Variants in GOT2 observed in about 807,000 individuals in gnomAD.
GOT2 encodes aspartate aminotransferase, mitochondrial.
A neutral mutation model predicts 50.0 loss-of-function variants in GOT2; 17 were observed. The observed-to-expected ratio is 0.34, with a 90% CI of 0.23 to 0.51. The LOEUF (loss-of-function observed/expected upper bound fraction) is 0.51, where lower values mean the gene tolerates loss of function less well. GOT2 is among the 20% of genes least tolerant of loss of function. GOT2 has a pLI of 0.97. For synonymous variants in GOT2, 172 were observed against 204.9 expected (o/e 0.84, Z 1.37); for missense variants, 430 against 559.6 (o/e 0.77, Z 2.34).
At chr16:58,728,992 CT>C (rs1477415266) in intron 1 of GOT2, among the ~76,000 whole-genome samples, 1 of 152,034 alleles carries the variant, frequency 6.6e-6, no homozygotes, top group Non-Finnish European at 1.5e-5. Context: ...CGGCCCTTTT[CT>C]GCTTTTCAAT....
At chr16:58,713,596 C>T (rs183180590) in intron 8 of GOT2, among the ~76,000 whole-genome samples, 2 of 152,324 alleles carry the variant, frequency 1.3e-5, no homozygotes, top group Admixed American at 6.5e-5. Context: ...AAATAGTTGT[C>T]ACATGATGAC....
At chr16:58,724,739 C>T (rs1335876050) in intron 1 of GOT2, among the ~76,000 whole-genome samples, 1 of 152,140 alleles carries the variant, frequency 6.6e-6, no homozygotes, top group Non-Finnish European at 1.5e-5. Context: ...CGGGGTTTCG[C>T]CATGTTGGCC....
chr16:58,726,897 C>T (rs2044790201), intron 1 of GOT2, among the ~76,000 whole-genome samples: 7 of 151,866 alleles, frequency 4.6e-5, no homozygotes, highest in African/African-American at 1.7e-4. Context: ...CTCACGCCTG[C>T]AATCCCAGCA....
At chr16:58,731,653 TACAAGTCAAC>T (rs2044835922) in intron 1 of GOT2, among the ~76,000 whole-genome samples, 1 of 152,244 alleles carries the variant, frequency 6.6e-6, no homozygotes, top group African/African-American at 2.4e-5. Flanking sequence ...ACATTTACAG[TACAAGTCAAC>T]AAGAGAAAGT....
chr16:58,723,922 A>C lies in GOT2; in HGVS notation c.90-20T>G. ...CAGGAGCTGAAATGAGAAACACATT[A>C]GCTCAATCCCATTAGCTAGATCCAA... On this transcript the variant is annotated intron_variant, in intron 1 of 9. Coordinates refer to ENST00000245206, the MANE Select transcript of GOT2 (RefSeq NM_002080.4). 6.2e-7 allele frequency: 1 copy of C among 1,606,596 alleles called. No homozygotes were observed. The highest frequency in any genetic ancestry group is 8.5e-7 in the Non-Finnish European group (1 of 1,175,158).
At chr16:58,718,764 G>T in intron 4 of GOT2, 76 bp from the exon 5 acceptor site, 2 of 1,252,860 alleles carry the variant, frequency 1.6e-6, no homozygotes, top group Non-Finnish European at 2.2e-6. Flanking sequence ...TTTATTGAGA[G>T]AACATTTTTC....
At chr16:58,731,683 AGT>A (rs2044836066) in intron 1 of GOT2, among the ~76,000 whole-genome samples, 1 of 152,210 alleles carries the variant, frequency 6.6e-6, no homozygotes, top group Non-Finnish European at 1.5e-5. Flanking sequence ...TTTTATTCGC[AGT>A]GTTTAGCTAA....
At chr16:58,727,191 C>T (rs763955098) in intron 1 of GOT2, among the ~76,000 whole-genome samples, 10 of 152,030 alleles carry the variant, frequency 6.6e-5, no homozygotes, top group Non-Finnish European at 1.3e-4. Flanking sequence ...CTCACTCCGT[C>T]CCCCAGGCTG....
chr16:58,724,132 T>C (rs532424950), intron 1 of GOT2, among the ~76,000 whole-genome samples: 2 of 152,190 alleles, frequency 1.3e-5, no homozygotes, highest in South Asian at 2.1e-4. Flanking sequence ...TTTGTATTTT[T>C]AGTGGAGATG....
chr16:58,715,104 G>T (rs571134852), intron 8 of GOT2, among the ~76,000 whole-genome samples: 1 of 152,218 alleles, frequency 6.6e-6, no homozygotes, highest in Non-Finnish European at 1.5e-5. Flanking sequence ...AGCACTTAGG[G>T]AGTCTGTGGT....
At chr16:58,726,713 C>T (rs2044787894) in intron 1 of GOT2, among the ~76,000 whole-genome samples, 1 of 151,486 alleles carries the variant, frequency 6.6e-6, no homozygotes, top group Admixed American at 6.6e-5. Flanking sequence ...GTCTCTACCT[C>T]CTGACCTCAA....
chr16:58,716,654 G>A lies in GOT2; in HGVS notation c.853+9C>T. The A allele has an allele frequency of 6.2e-7, 1 of 1,612,294 alleles. No homozygotes were observed. Among genetic ancestry groups the A allele is most frequent in the Non-Finnish European group, 8.5e-7 (1 of 1,179,230 alleles). ...GAGAGCATGTGTCATGCTGGATGCT[G>A]TAGCTTACCATATAAGCCCATGTTC... On this transcript the variant is annotated intron_variant, in intron 7 of 9. Coordinates refer to ENST00000245206, the MANE Select transcript of GOT2 (RefSeq NM_002080.4).
intron 1 of GOT2, among the ~76,000 whole-genome samples, chr16:58,728,774 G>C (rs1011256483): frequency 6.6e-6 from 1 of 152,090 alleles, no homozygotes; most frequent in Admixed American, 6.5e-5. Context: ...TCCACTTCAC[G>C]GGTTCAAGCG....
intron 8 of GOT2, among the ~76,000 whole-genome samples, chr16:58,715,695 G>T (rs1365188388): frequency 6.6e-6 from 1 of 152,176 alleles, no homozygotes; most frequent in East Asian, 1.9e-4. Context: ...TGGGATTACA[G>T]GCATGCACCA....
At chr16:58,718,136 T>G in intron 6 of GOT2, 60 bp downstream of exon 6, 3 of 1,170,030 alleles carry the variant, frequency 2.6e-6, no homozygotes, top group South Asian at 2.4e-5. Flanking sequence ...ATTGCCAAAT[T>G]AAGCCTCCAA....
chr16:58,730,147 G>T (rs1474610702), intron 1 of GOT2, among the ~76,000 whole-genome samples: 1 of 152,142 alleles, frequency 6.6e-6, no homozygotes, highest in Non-Finnish European at 1.5e-5. Flanking sequence ...TCTGTTTGTT[G>T]AAACTCTGGG....
intron 1 of GOT2, among the ~76,000 whole-genome samples, chr16:58,728,983 G>A (rs1398918117): frequency 6.6e-6 from 1 of 151,986 alleles, no homozygotes; most frequent in Non-Finnish European, 1.5e-5. Context: ...TACCGCACCC[G>A]GCCCTTTTCT....
At chr16:58,729,833 C>A (rs1325781997) in intron 1 of GOT2, among the ~76,000 whole-genome samples, 1 of 152,114 alleles carries the variant, frequency 6.6e-6, no homozygotes, top group Non-Finnish European at 1.5e-5. Flanking sequence ...CCCAGCCCTC[C>A]AGCCTCTGTC....
rs2044802800 is a variant in GOT2 at position 58,728,182 on chromosome 16, A to T, written c.90-4280T>A. Among the ~76,000 whole-genome samples the T allele has an allele frequency of 2.6e-5, 4 of 152,102 alleles. No individual in the cohort carries two copies. In the South Asian group the frequency reaches 8.3e-4, roughly 32 times the overall value. On this transcript the variant is annotated intron_variant, in intron 1 of 9. Transcript: ENST00000245206. The stretch of plus-strand genomic sequence containing the variant: ...GGGCAGATTATTTCCAGTTTTTTGG[A>T]TTTCCCAGGCTCTTATTTCTTGTAA...
Sources: allele counts gnomAD v4.1 joint callset (sites outside exome capture counted in the v4.1 genomes callset), GRCh38; gene constraint gnomAD v4.1.1; transcripts MANE v1.5; gene names NCBI Gene and HGNC (gene_info 2026-07-23, HGNC 2026-07-21).